Variants in KHDRBS2 observed in about 807,000 individuals in gnomAD.
The protein encoded by KHDRBS2 is KH RNA binding domain containing, signal transduction associated 2.
KHDRBS2 carries 26 observed loss-of-function variants against 44.3 expected under a neutral mutation model. That is an observed-to-expected ratio of 0.59 (90% confidence interval 0.43 to 0.81). The LOEUF (loss-of-function observed/expected upper bound fraction) is 0.81, where lower values mean the gene tolerates loss of function less well. Among genes scored for constraint, KHDRBS2 ranks in the 40% least tolerant of loss-of-function variants. KHDRBS2 has a pLI of 0.00. For synonymous variants in KHDRBS2, 194 were observed against 151.1 expected, an observed-to-expected ratio of 1.28 and a Z score of -2.08; for missense variants, 476 against 433.1, an observed-to-expected ratio of 1.10 and a Z score of -0.88.
At chr6:61,586,811 G>A in the KHDRBS2 span, among the ~76,000 whole-genome samples, 1 of 152,098 alleles carries the variant, frequency 6.6e-6, no homozygotes, top group Non-Finnish European at 1.5e-5. Context: ...TAGCATTCAA[G>A]ACCCATATTC....
At chr6:62,274,578 G>A (rs1447067977) in intron 1 of KHDRBS2, among the ~76,000 whole-genome samples, 1 of 152,074 alleles carries the variant, frequency 6.6e-6, no homozygotes, top group Non-Finnish European at 1.5e-5. Context: ...TTTTAGAGAT[G>A]TTGTTTACCA....
chr6:61,576,131 G>C, the KHDRBS2 span, among the ~76,000 whole-genome samples: 1 of 151,980 alleles, frequency 6.6e-6, no homozygotes, highest in South Asian at 2.1e-4. Flanking sequence ...AGTGACACTG[G>C]TATTTTGATA....
chr6:61,723,117 A>T (rs975003989), intron 7 of KHDRBS2, among the ~76,000 whole-genome samples: 1 of 152,036 alleles, frequency 6.6e-6, no homozygotes, highest in Non-Finnish European at 1.5e-5. Context: ...AGACCCAAGC[A>T]AACCACAGCA....
chr6:61,946,786 T>C (rs920063435), intron 4 of KHDRBS2, among the ~76,000 whole-genome samples: 3 of 152,158 alleles, frequency 2.0e-5, no homozygotes, highest in Non-Finnish European at 4.4e-5. Context: ...GCCAAGGATG[T>C]TGATCTGAAG....
chr6:61,565,930 A>G, the KHDRBS2 span, among the ~76,000 whole-genome samples: 1 of 152,072 alleles, frequency 6.6e-6, no homozygotes, highest in African/African-American at 2.4e-5. Context: ...TTGCAGCACT[A>G]TACACAATAG....
intron 5 of KHDRBS2, among the ~76,000 whole-genome samples, chr6:61,897,358 A>G (rs2127337712): frequency 6.6e-6 from 1 of 152,284 alleles, no homozygotes; most frequent in Non-Finnish European, 1.5e-5. Context: ...TTTTAAAAAT[A>G]CATTGAGATA....
At chr6:61,568,913 G>A in the KHDRBS2 span, among the ~76,000 whole-genome samples, 6 of 152,164 alleles carry the variant, frequency 3.9e-5, no homozygotes, top group East Asian at 1.9e-4. Flanking sequence ...GAATTTTCTT[G>A]AGCAGAATCT....
chr6:61,934,431 G>A (rs1267238292), intron 4 of KHDRBS2, among the ~76,000 whole-genome samples: 2 of 152,100 alleles, frequency 1.3e-5, no homozygotes, highest in Non-Finnish European at 2.9e-5. Flanking sequence ...AAATCTAACA[G>A]AAAAGTGAGA....
intron 6 of KHDRBS2, among the ~76,000 whole-genome samples, chr6:61,771,689 A>C (rs1045496003): frequency 1.3e-5 from 2 of 152,210 alleles, no homozygotes; most frequent in Non-Finnish European, 2.9e-5. Context: ...TCATAAAGCA[A>C]GTCTTTAGTG....
chr6:62,158,959 T>C (rs1170318591), intron 2 of KHDRBS2, among the ~76,000 whole-genome samples: 2 of 152,152 alleles, frequency 1.3e-5, no homozygotes, highest in Admixed American at 6.5e-5. Flanking sequence ...AAATGTACTA[T>C]AGCACTTATT....
At chr6:62,129,320 G>T (rs189702696) in intron 2 of KHDRBS2, among the ~76,000 whole-genome samples, 2 of 152,200 alleles carry the variant, frequency 1.3e-5, no homozygotes, top group Admixed American at 1.3e-4. Flanking sequence ...TCTAAACATT[G>T]TAAGTACTCT....
chr6:62,059,472 C>A (rs1404613049), intron 2 of KHDRBS2, among the ~76,000 whole-genome samples: 1 of 151,130 alleles, frequency 6.6e-6, no homozygotes, highest in Non-Finnish European at 1.5e-5. Flanking sequence ...GAAGCAATAT[C>A]CTCAATAAGA....
chr6:61,840,783 A>C (rs1249571419), intron 6 of KHDRBS2, among the ~76,000 whole-genome samples: 1 of 152,162 alleles, frequency 6.6e-6, no homozygotes, highest in Non-Finnish European at 1.5e-5. Context: ...CCAAGAAGAA[A>C]CAAAATTCTT....
rs868853542 is a variant in KHDRBS2 at position 62,108,280 on chromosome 6, C to T, written c.220-60286G>A. On this transcript the variant is annotated intron_variant, in intron 2 of 8. Coordinates refer to ENST00000281156, the MANE Select transcript of KHDRBS2 (RefSeq NM_152688.4). ...ACAAAGAACCCCATCAAAAAGTGGG[C>T]GAAGGACATGAACAGACACTTCTCA... Among the ~76,000 whole-genome samples the T allele has an allele frequency of 9.2e-5, 14 of 152,060 alleles. No homozygotes were observed. In the East Asian group the frequency reaches 9.6e-4, roughly 10 times the overall value.
chr6:61,780,240 C>T (rs1251599970), intron 6 of KHDRBS2, among the ~76,000 whole-genome samples: 1 of 152,188 alleles, frequency 6.6e-6, no homozygotes, highest in Non-Finnish European at 1.5e-5. Context: ...GTGGCTCATG[C>T]CTGTAATCCC....
At chr6:61,594,575 T>C in the KHDRBS2 span, among the ~76,000 whole-genome samples, 1 of 152,118 alleles carries the variant, frequency 6.6e-6, no homozygotes, top group African/African-American at 2.4e-5. Context: ...ATTGACAAAC[T>C]CCTTTAGTTA....
In KHDRBS2 at chr6:61,881,121, G is replaced by A. The variant is rs1308956512; in HGVS notation, c.810+13514C>T. 7.9e-5 allele frequency among the ~76,000 whole-genome samples: 12 copies of A among 151,944 alleles called. No homozygotes were observed. The East Asian group carries it at 2.3e-3, about 30-fold the overall frequency. ...GGGCTCAAACATTCTCATATATCATGCTCTCAGCTTACTCCCTGTAATTTT... is the reference window on the plus strand; with the variant it reads ...GGGCTCAAACATTCTCATATATCATACTCTCAGCTTACTCCCTGTAATTTT... On this transcript the variant is annotated intron_variant, in intron 6 of 8. Coordinates refer to ENST00000281156, the MANE Select transcript of KHDRBS2 (RefSeq NM_152688.4).
rs1419653487 is a variant in KHDRBS2, at chr6:62,049,219, G to C, written c.220-1225C>G. On this transcript the variant is annotated intron_variant, in intron 2 of 8. Coordinates refer to ENST00000281156, the MANE Select transcript of KHDRBS2 (RefSeq NM_152688.4). ...GGTGGTCAATTTATTGTCAGCAAAA[G>C]TGTCAAAGCAACCAAATTTGAAAAG... is the stretch of plus-strand genomic sequence containing the variant. Among the ~76,000 whole-genome samples, 3 of 151,736 alleles carry C rather than the reference G, an allele frequency of 2.0e-5. No individual in the cohort carries two copies. In the East Asian group the frequency reaches 5.8e-4, roughly 29 times the overall value.
intron 2 of KHDRBS2, among the ~76,000 whole-genome samples, chr6:62,149,907 C>T (rs1445136761): frequency 6.6e-6 from 1 of 152,086 alleles, no homozygotes; most frequent in African/African-American, 2.4e-5. Context: ...AGCAGTGGAT[C>T]GTAAGAAGCT....
Sources: gnomAD v4.1 joint callset for allele counts (sites outside exome capture counted in the v4.1 genomes callset) on GRCh38, gnomAD v4.1.1 for gene constraint, MANE v1.5 for transcripts, NCBI Gene and HGNC (gene_info 2026-07-23, HGNC 2026-07-21) for gene names.